PRR16: variants seen among roughly 807,000 people sequenced by gnomAD.
PRR16 encodes proline rich 16.
In PRR16, 6 loss-of-function variants were observed where a neutral mutation model predicts 18.2. The observed-to-expected ratio is 0.33, with a 90% CI of 0.18 to 0.65. PRR16 has a LOEUF of 0.65. Ranked by LOEUF, PRR16 falls within the 30% of genes least tolerant of loss-of-function variation. The pLI, the probability that PRR16 is intolerant of heterozygous loss-of-function variation, is 0.74. For missense variants in PRR16, 412 were observed against 376.6 expected, an observed-to-expected ratio of 1.09 and a Z score of -0.78; for synonymous variants, 151 against 147.8, an observed-to-expected ratio of 1.02 and a Z score of -0.16.
At chr5:120,792,953 G>A in the PRR16 span, among the ~76,000 whole-genome samples, 1 of 149,110 alleles carries the variant, frequency 6.7e-6, no homozygotes, top group African/African-American at 2.4e-5. Context: ...AGGAGTTCGA[G>A]ACCAACCTGG....
At chr5:120,503,746 G>A (rs899784965) in intron 1 of PRR16, among the ~76,000 whole-genome samples, 12 of 150,722 alleles carry the variant, frequency 8.0e-5, no homozygotes, top group African/African-American at 1.5e-4. Flanking sequence ...CCATTAACTC[G>A]TCATTTAGCA....
intron 1 of PRR16, among the ~76,000 whole-genome samples, chr5:120,667,963 A>G (rs561183605): frequency 0.028 from 4,267 of 152,124 alleles, 85 homozygotes; most frequent in Non-Finnish European, 0.041. Flanking sequence ...GTAGATGTCT[A>G]TTAGGTCTGC....
chr5:120,697,191 G>A, the PRR16 span, among the ~76,000 whole-genome samples: 4 of 152,256 alleles, frequency 2.6e-5, no homozygotes, highest in East Asian at 5.8e-4. Flanking sequence ...TGAGAGACAG[G>A]TCCCTTGTAT....
At chr5:120,501,608 G>A (rs1353370256) in intron 1 of PRR16, among the ~76,000 whole-genome samples, 1 of 152,150 alleles carries the variant, frequency 6.6e-6, no homozygotes, top group Non-Finnish European at 1.5e-5. Flanking sequence ...TGGTGCAGAT[G>A]TCATTCATAG....
At chr5:120,647,027 A>C (rs751644650) in intron 1 of PRR16, among the ~76,000 whole-genome samples, 96 of 152,112 alleles carry the variant, frequency 6.3e-4, no homozygotes, top group Admixed American at 3.9e-3. Flanking sequence ...TATATTAAAA[A>C]ATGTTTAATA....
chr5:120,737,317 T>G, the PRR16 span, among the ~76,000 whole-genome samples: 5 of 112,572 alleles, frequency 4.4e-5, no homozygotes, highest in Non-Finnish European at 7.1e-5. Context: ...GTTTTTTTTT[T>G]TTTTTTTTTT....
chr5:120,631,174 A>ACAAGAG (rs1201266416), intron 1 of PRR16, among the ~76,000 whole-genome samples: 2 of 152,170 alleles, frequency 1.3e-5, no homozygotes, highest in Non-Finnish European at 2.9e-5. Flanking sequence ...TGACAGTAAA[A>ACAAGAG]TAAGAGTTGA....
chr5:120,715,680 G>T, the PRR16 span, among the ~76,000 whole-genome samples: 1 of 152,014 alleles, frequency 6.6e-6, no homozygotes, highest in South Asian at 2.1e-4. Flanking sequence ...AGCAGTGGTG[G>T]GATGTATGAA....
At chr5:120,785,271 G>A in the PRR16 span, among the ~76,000 whole-genome samples, 4 of 152,126 alleles carry the variant, frequency 2.6e-5, no homozygotes, top group Admixed American at 6.5e-5. Flanking sequence ...GAGACCATAC[G>A]TGGGTATGAG....
intron 1 of PRR16, among the ~76,000 whole-genome samples, chr5:120,590,328 G>A (rs950674884): frequency 1.3e-5 from 2 of 152,022 alleles, no homozygotes; most frequent in African/African-American, 4.8e-5. Flanking sequence ...GTGTCCTAAA[G>A]TTATTTTTGC....
At chr5:120,500,512 A>G (rs976374936) in intron 1 of PRR16, among the ~76,000 whole-genome samples, 8 of 152,244 alleles carry the variant, frequency 5.3e-5, no homozygotes, top group African/African-American at 1.7e-4. Flanking sequence ...AGACCAAAAC[A>G]TTAAACTTAT....
chr5:120,619,777 A>T (rs1311070386), intron 1 of PRR16, among the ~76,000 whole-genome samples: 2 of 152,084 alleles, frequency 1.3e-5, no homozygotes, highest in African/African-American at 4.8e-5. Context: ...TATTTTACTC[A>T]GTAGTTATTG....
intron 1 of PRR16, among the ~76,000 whole-genome samples, chr5:120,648,132 T>C (rs1227384230): frequency 1.3e-5 from 2 of 152,142 alleles, no homozygotes; most frequent in Non-Finnish European, 2.9e-5. Context: ...AATGTAAATA[T>C]ACAGTTTAGA....
At chr5:120,746,081 C>T in the PRR16 span, among the ~76,000 whole-genome samples, 3 of 151,570 alleles carry the variant, frequency 2.0e-5, no homozygotes, top group Non-Finnish European at 2.9e-5. Flanking sequence ...ATTCTGTCAT[C>T]TTTAGAGGCT....
chr5:120,690,935 A>G (rs1451570398), downstream of PRR16, among the ~76,000 whole-genome samples: 1 of 152,212 alleles, frequency 6.6e-6, no homozygotes, highest in Non-Finnish European at 1.5e-5. Flanking sequence ...ATACGGTTAA[A>G]TCGACATGGG....
intron 1 of PRR16, among the ~76,000 whole-genome samples, chr5:120,468,642 G>C (rs1749176855): frequency 6.6e-6 from 1 of 152,134 alleles, no homozygotes; most frequent in East Asian, 1.9e-4. Flanking sequence ...CAATATGCCT[G>C]TTCTTTTATG....
chr5:120,752,787 A>T, the PRR16 span, among the ~76,000 whole-genome samples: 1 of 151,930 alleles, frequency 6.6e-6, no homozygotes, highest in Non-Finnish European at 1.5e-5. Context: ...TCATTACGAG[A>T]TAGTTATTTA....
At chr5:120,782,169 G>T in the PRR16 span, among the ~76,000 whole-genome samples, 22 of 152,224 alleles carry the variant, frequency 1.4e-4, no homozygotes, top group East Asian at 2.1e-3. Context: ...GGACTTTAAT[G>T]TAAAAGTTTG....
At chr5:120,577,189 C>T (rs1311556634) in intron 1 of PRR16, among the ~76,000 whole-genome samples, 1 of 151,882 alleles carries the variant, frequency 6.6e-6, no homozygotes. Flanking sequence ...AATATGTGTT[C>T]TAAGGATGTG....
Sources: allele counts gnomAD v4.1 joint callset (sites outside exome capture counted in the v4.1 genomes callset), GRCh38; gene constraint gnomAD v4.1.1; transcripts MANE v1.5; gene names NCBI Gene and HGNC (gene_info 2026-07-23, HGNC 2026-07-21).